ZNF674: variants seen among roughly 807,000 people sequenced by gnomAD.
ZNF674 encodes the protein zinc finger family member 674.
A neutral mutation model predicts 7.0 loss-of-function variants in ZNF674; 2 were observed. The observed-to-expected ratio is 0.29, with a 90% CI of 0.12 to 0.90. The LOEUF (loss-of-function observed/expected upper bound fraction) is 0.90. Ranked by LOEUF, ZNF674 falls within the 40% of genes least tolerant of loss-of-function variation. The pLI is 0.57. For synonymous variants in ZNF674, 103 were observed against 145.2 expected (o/e 0.71, Z 2.09); for missense variants, 297 against 415.5 (o/e 0.71, Z 2.48).
intron 3 of ZNF674, among the ~76,000 whole-genome samples, chrX:46,532,807 A>G (rs5905549): frequency 0.032 from 3,573 of 112,282 alleles, 60 homozygotes; most frequent in Non-Finnish European, 0.048. Context: ...CTTGGGCCAC[A>G]TATAAAATAC....
intron 5 of ZNF674, chrX:46,517,886 ATGCT>A (rs889564829): frequency 1.3e-4 from 14 of 111,086 alleles, no homozygotes; most frequent in African/African-American, 3.3e-4. Flanking sequence ...CAAAGGATAA[ATGCT>A]TGAGGGGATG....
In ZNF674 at chrX:46,501,208, T is replaced by C. The variant is rs1941421929; in HGVS notation, c.366A>G (p.Arg122=). The change falls in exon 6 of 6, where the codon AGA becomes AGG. Residue 122 remains arginine, a synonymous_variant. Coordinates refer to ENST00000683375, the MANE Select transcript of ZNF674 (RefSeq NM_001190417.2). ...DESGQECKIC[R]KIIYLNTDFV... is the part of the protein sequence containing the mutation. ...AGTCTGTGTTGAGATAAATGATTTT[T>C]CTACATATTTTACATTCTTGACCAC... The C allele has an allele frequency of 3.3e-6, 4 of 1,209,491 alleles. No individual in the cohort carries two copies.
chrX:46,500,549 A>G lies in ZNF674; in HGVS notation c.1025T>C (p.Ile342Thr), dbSNP rs749104969. 7 of 1,210,013 alleles carry G rather than the reference A, an allele frequency of 5.8e-6. No individual in the cohort carries two copies. The South Asian group carries it at 1.1e-4, about 18-fold the overall frequency. Residue 342 changes from isoleucine to threonine, a missense_variant, in exon 6 of 6, where the codon ATA (isoleucine) becomes ACA (threonine). Transcript: ENST00000683375. ...KGIKCTTSSL[I>T]YQRIHTSEKP... ...CTCACTTGTGTGAATTCTTTGATAT[A>G]TAAGGCTGGACGTAGTACATTTAAT...
chrX:46,504,049 TACAC>T (rs112855272), intron 5 of ZNF674, among the ~76,000 whole-genome samples: 1 of 109,852 alleles, frequency 9.1e-6, no homozygotes, highest in Non-Finnish European at 1.9e-5. Flanking sequence ...AAAAAAAAAA[TACAC>T]ACATGTGCAC....
intron 5 of ZNF674, chrX:46,525,505 C>T (rs1941994582): frequency 8.7e-6 from 1 of 114,477 alleles, no homozygotes; most frequent in Admixed American, 1.0e-4. Context: ...ATCCCAGCTA[C>T]TTGGGAGGCT....
At chrX:46,514,376 G>T (rs1941722170) in intron 5 of ZNF674, among the ~76,000 whole-genome samples, 1 of 111,280 alleles carries the variant, frequency 9.0e-6, no homozygotes, top group Admixed American at 9.6e-5. Flanking sequence ...GGTGAACTGT[G>T]GGTCTTACTC....
At chrX:46,537,012 T>C (rs1401509998) in intron 3 of ZNF674, among the ~76,000 whole-genome samples, 5 of 112,183 alleles carry the variant, frequency 4.5e-5, no homozygotes. Flanking sequence ...GGCTCACGCC[T>C]GTAATCCTAG....
intron 5 of ZNF674, among the ~76,000 whole-genome samples, chrX:46,510,827 A>G (rs1941641216): frequency 8.9e-6 from 1 of 112,454 alleles, no homozygotes; most frequent in South Asian, 3.6e-4. Context: ...CAAAAGTCTT[A>G]TTAACAAAAT....
chrX:46,528,176 G>A (rs181314932), intron 5 of ZNF674, 174 bp downstream of exon 5: 64 of 523,140 alleles, frequency 1.2e-4, no homozygotes, highest in Middle Eastern at 1.0e-3. Flanking sequence ...GCCTGTAACC[G>A]GCGGCCAGGC....
intron 3 of ZNF674, among the ~76,000 whole-genome samples, chrX:46,529,930 C>T (rs879232174): frequency 2.7e-5 from 3 of 111,535 alleles, no homozygotes; most frequent in Non-Finnish European, 5.6e-5. Context: ...CATGACAAAC[C>T]GTTCTAACCT....
At chrX:46,503,548 C>A (rs990257454) in intron 5 of ZNF674, among the ~76,000 whole-genome samples, 5 of 111,486 alleles carry the variant, frequency 4.5e-5, no homozygotes, top group African/African-American at 1.6e-4. Context: ...AAATGCCAAC[C>A]ATATCAAATT....
At chrX:46,540,160 C>T (rs375452873) in intron 3 of ZNF674, among the ~76,000 whole-genome samples, 1 of 110,238 alleles carries the variant, frequency 9.1e-6, no homozygotes, top group African/African-American at 3.3e-5. Flanking sequence ...AGGAGAATGG[C>T]GGGAACCCAG....
chrX:46,514,048 G>C (rs998677629), intron 5 of ZNF674, among the ~76,000 whole-genome samples: 1 of 111,493 alleles, frequency 9.0e-6, no homozygotes, highest in East Asian at 2.8e-4. Context: ...CTAGGCAACA[G>C]AGAGAGACCC....
At chrX:46,501,835 C>T (rs1390410199) in intron 5 of ZNF674, among the ~76,000 whole-genome samples, 1 of 109,388 alleles carries the variant, frequency 9.1e-6, no homozygotes, top group Non-Finnish European at 1.9e-5. Flanking sequence ...TATATAACAT[C>T]CTTCTTGCCA....
At chrX:46,524,715 A>T (rs1165401021) in intron 5 of ZNF674, among the ~76,000 whole-genome samples, 2 of 109,747 alleles carry the variant, frequency 1.8e-5, no homozygotes, top group African/African-American at 6.6e-5. Context: ...AAAAAAAAGA[A>T]AAATCTGCAA....
At chrX:46,534,879 T>G (rs1942174418) in intron 3 of ZNF674, among the ~76,000 whole-genome samples, 1 of 109,770 alleles carries the variant, frequency 9.1e-6, no homozygotes, top group Non-Finnish European at 1.9e-5. Context: ...TAGCTGGGAC[T>G]ACAGGCACCC....
chrX:46,540,101 G>A (rs942419836), intron 3 of ZNF674, among the ~76,000 whole-genome samples: 1 of 111,228 alleles, frequency 9.0e-6, no homozygotes, highest in African/African-American at 3.3e-5. Flanking sequence ...AAAATTAGCC[G>A]GGCGTGGTTG....
Position 46,500,736 on chromosome X carries a change from A to C in ZNF674, c.838T>G (p.Cys280Gly). 1 of 1,207,318 alleles carries C rather than the reference A, an allele frequency of 8.3e-7. No homozygotes were observed. The highest frequency in any genetic ancestry group is 1.1e-6 in the Non-Finnish European group (1 of 893,202). ...TGEKPYECSE[C>G]GKTFIQKSTL... ...GACTTCTGGATAAAGGTTTTTCCAC[A>C]TTCACTGCATTCATAGGGCTTCTCC... Residue 280 changes from cysteine (C) to glycine (G), a missense_variant, in exon 6 of 6, where the codon TGT becomes GGT. Cys to Gly is a radical substitution (Grantham distance 159). Transcript: ENST00000683375.
At chrX:46,537,196 G>A (rs996892082) in intron 3 of ZNF674, among the ~76,000 whole-genome samples, 5 of 110,535 alleles carry the variant, frequency 4.5e-5, no homozygotes, top group African/African-American at 6.6e-5. Flanking sequence ...TCTTGAACTC[G>A]GGAGGTGGAG....
Sources: gnomAD v4.1 joint callset for allele counts (sites outside exome capture counted in the v4.1 genomes callset) on GRCh38, gnomAD v4.1.1 for gene constraint, MANE v1.5 for transcripts, NCBI Gene and HGNC (gene_info 2026-07-23, HGNC 2026-07-21) for gene names.